The following ZYG11B variants were observed in gnomAD, a reference collection of about 807,000 sequenced individuals.
ZYG11B encodes zyg-11 family member B, cell cycle regulator, also known as protein zyg-11 homolog B.
A neutral mutation model predicts 82.4 loss-of-function variants in ZYG11B; 36 were observed. The observed-to-expected ratio is 0.44, with a 90% confidence interval of 0.33 to 0.58. The LOEUF is 0.58. ZYG11B is among the 20% of genes least tolerant of loss of function. ZYG11B has a pLI of 0.02. For missense variants in ZYG11B, 552 were observed against 895.6 expected (o/e 0.62, Z 4.90); for synonymous variants, 303 against 312.8 (o/e 0.97, Z 0.33).
chr1:52,814,358 T>G (rs1645206995), intron 12 of ZYG11B, among the ~76,000 whole-genome samples: 1 of 152,208 alleles, frequency 6.6e-6, no homozygotes, highest in South Asian at 2.1e-4. Flanking sequence ...GTATTTTGAC[T>G]TTTTTCTACC....
In ZYG11B at chr1:52,813,609, T is replaced by A; in HGVS notation, c.1769T>A (p.Leu590His). The part of the protein sequence containing the change: ...WKDFIDHISS[L>H]LHSVEVEVSY... ...GATTTTATAGACCACATCAGTAGTC[T>A]CCTACACAGTGTGGAAGTGGAAGTC... Residue 590 changes from leucine to histidine, a missense_variant, in exon 11 of 14, where the codon CTC (leucine) becomes CAC (histidine). Around this residue, in one of 3 missense-constraint regions of ZYG11B, gnomAD observed 66 missense variants for 176.4 expected, o/e 0.37. Transcript: ENST00000294353. The A allele has an allele frequency of 6.2e-7, 1 of 1,613,926 alleles. No homozygotes were observed. The highest frequency in any genetic ancestry group is 8.5e-7 in the Non-Finnish European group (1 of 1,179,838).
At chr1:52,794,166 A>G (rs1299480220) in intron 6 of ZYG11B, among the ~76,000 whole-genome samples, 2 of 151,822 alleles carry the variant, frequency 1.3e-5, no homozygotes, top group African/African-American at 4.8e-5. Context: ...AGTAGAGACG[A>G]GGTTTCACCA....
Position 52,746,923 on chromosome 1 carries a change from C to G in ZYG11B, c.31-9535C>G, listed in dbSNP as rs544126901. 3.3e-5 allele frequency among the ~76,000 whole-genome samples: 5 copies of G among 150,140 alleles called. No homozygotes were observed. In the South Asian group the frequency reaches 1.1e-3, roughly 32 times the overall value. On this transcript the variant is annotated intron_variant, in intron 1 of 13. Coordinates refer to ENST00000294353, the MANE Select transcript of ZYG11B (RefSeq NM_024646.3). ...TAAGGTCTTTACTCCCCCCTCCATCCTTTCCCTCCATCTGAGAGGCCTTAT... is the reference window on the plus strand; with the variant it reads ...TAAGGTCTTTACTCCCCCCTCCATCGTTTCCCTCCATCTGAGAGGCCTTAT...
At position 52,800,385 on chromosome 1, in the gene ZYG11B, A is replaced by G. The variant is rs370648545; in HGVS notation, c.1486-1434A>G. Among the ~76,000 whole-genome samples, 7 of 152,160 alleles carry G rather than the reference A, an allele frequency of 4.6e-5. No individual in the cohort carries two copies. The East Asian group carries it at 1.2e-3, about 25-fold the overall frequency. On this transcript the variant is annotated intron_variant, in intron 8 of 13. Coordinates refer to ENST00000294353, the MANE Select transcript of ZYG11B (RefSeq NM_024646.3). ...AAAAGATGCTTATTTTGTTTATTTT[A>G]CTGTTTTCAGGGGTGACAGTTTTAA...
At chr1:52,765,025 CCA>C in intron 2 of ZYG11B, among the ~76,000 whole-genome samples, 1 of 151,792 alleles carries the variant, frequency 6.6e-6, no homozygotes, top group East Asian at 1.9e-4. Flanking sequence ...TCCATGTAAA[CCA>C]CTGCTTCCAA....
chr1:52,749,615 T>A (rs561779076), intron 1 of ZYG11B, among the ~76,000 whole-genome samples: 1 of 152,332 alleles, frequency 6.6e-6, no homozygotes, highest in South Asian at 2.1e-4. Flanking sequence ...TATTTTTTAT[T>A]TTTTTGAGAT....
intron 6 of ZYG11B, 143 bp downstream of exon 6, chr1:52,790,210 T>G (rs1397175449): frequency 1.9e-6 from 1 of 523,736 alleles, no homozygotes. Flanking sequence ...GAATGCTAAA[T>G]CTACTTTCTT....
intron 10 of ZYG11B, among the ~76,000 whole-genome samples, chr1:52,806,003 TTATTAA>T (rs148715873): frequency 0.019 from 2,833 of 152,204 alleles, 89 homozygotes; most frequent in African/African-American, 0.065. Flanking sequence ...CTCCATGAAG[TTATTAA>T]TATTAATATA....
At chr1:52,755,464 GT>G (rs1213451808) in intron 1 of ZYG11B, among the ~76,000 whole-genome samples, 1 of 151,968 alleles carries the variant, frequency 6.6e-6, no homozygotes, top group African/African-American at 2.4e-5. Flanking sequence ...GCTATTCTAG[GT>G]GTTGCATTTC....
At chr1:52,758,248 A>G (rs1203450197) in intron 2 of ZYG11B, among the ~76,000 whole-genome samples, 1 of 152,022 alleles carries the variant, frequency 6.6e-6, no homozygotes, top group African/African-American at 2.4e-5. Context: ...ACAGTTGATA[A>G]ACTCATAAGT....
chr1:52,748,634 G>A (rs903880662), intron 1 of ZYG11B, among the ~76,000 whole-genome samples: 9 of 150,612 alleles, frequency 6.0e-5, no homozygotes, highest in African/African-American at 2.0e-4. Context: ...AGTCCGAGGC[G>A]GGCAGATCAC....
chr1:52,728,634 T>C (rs1644304147), intron 1 of ZYG11B, among the ~76,000 whole-genome samples: 1 of 152,228 alleles, frequency 6.6e-6, no homozygotes, highest in African/African-American at 2.4e-5. Context: ...AGAGCTATCC[T>C]ACCTAAGACA....
At chr1:52,802,346 T>C (rs867776329) in intron 10 of ZYG11B, among the ~76,000 whole-genome samples, 1,961 of 137,146 alleles carry the variant, frequency 0.014, 31 homozygotes, top group African/African-American at 0.054. Flanking sequence ...CTCTCTTTTT[T>C]TTTTTTTTTT....
chr1:52,792,835 TTTTATTTA>T (rs749439667), intron 6 of ZYG11B, among the ~76,000 whole-genome samples: 1 of 152,074 alleles, frequency 6.6e-6, no homozygotes, highest in Non-Finnish European at 1.5e-5. Context: ...TAGGTTTTTA[TTTTATTTA>T]TTTATTTATT....
intron 2 of ZYG11B, among the ~76,000 whole-genome samples, chr1:52,758,147 C>T (rs893012144): frequency 4.0e-4 from 58 of 143,388 alleles, no homozygotes; most frequent in Admixed American, 3.3e-3. Context: ...TGCAGTGAGT[C>T]GAGATTGTGC....
intron 6 of ZYG11B, among the ~76,000 whole-genome samples, chr1:52,795,598 T>C (rs546555564): frequency 6.6e-6 from 1 of 152,250 alleles, no homozygotes; most frequent in South Asian, 2.1e-4. Flanking sequence ...TCTCCTCCCC[T>C]CTGCCTGGAA....
At chr1:52,772,236 A>G (rs1048636569) in intron 3 of ZYG11B, 78 of 1,369,048 alleles carry the variant, frequency 5.7e-5, no homozygotes, top group African/African-American at 1.1e-4. Context: ...CATATTTCCA[A>G]CTGGGAGGGA....
At chr1:52,804,590 G>A (rs907201492) in intron 10 of ZYG11B, among the ~76,000 whole-genome samples, 2 of 151,458 alleles carry the variant, frequency 1.3e-5, no homozygotes, top group Admixed American at 6.6e-5. Flanking sequence ...TCTAGCCTGG[G>A]CAACAGGGTG....
At chr1:52,781,651 C>G (rs1644857472) in intron 4 of ZYG11B, among the ~76,000 whole-genome samples, 1 of 152,100 alleles carries the variant, frequency 6.6e-6, no homozygotes, top group South Asian at 2.1e-4. Context: ...AACCAATGAG[C>G]TTAGGACTCT....
Sources: gnomAD v4.1 joint callset for allele counts (sites outside exome capture counted in the v4.1 genomes callset) on GRCh38, gnomAD v4.1.1 for gene constraint, gnomAD v4.1.1 regional missense constraint, MANE v1.5 for transcripts, NCBI Gene and HGNC (gene_info 2026-07-23, HGNC 2026-07-21) for gene names.